RFX3: variants seen among roughly 807,000 people sequenced by gnomAD.
RFX3 encodes the protein transcription factor RFX3.
A neutral mutation model predicts 98.6 loss-of-function variants in RFX3; 14 were observed. The ratio of observed to expected loss-of-function variants is 0.14; its 90% CI spans 0.09 to 0.22. RFX3 has a LOEUF of 0.22. Among genes scored for constraint, RFX3 ranks in the 10% least tolerant of loss-of-function variants. The pLI is 1.00. For missense variants in RFX3, 639 were observed against 926.9 expected (o/e 0.69, Z 4.03); for synonymous variants, 383 against 328.4 (o/e 1.17, Z -1.80).
chr9:3,369,986 G>T (rs1026424165), intron 2 of RFX3, among the ~76,000 whole-genome samples: 4 of 146,084 alleles, frequency 2.7e-5, no homozygotes, highest in African/African-American at 1.0e-4. Context: ...CCGCCACTAC[G>T]CCCGGCTAAT....
intron 9 of RFX3, among the ~76,000 whole-genome samples, chr9:3,273,237 T>C: frequency 6.6e-6 from 1 of 152,284 alleles, no homozygotes; most frequent in Middle Eastern, 3.4e-3. Context: ...AAAATGAATA[T>C]TTATTAACAG....
intron 2 of RFX3, among the ~76,000 whole-genome samples, chr9:3,350,542 A>T (rs569180142): frequency 6.6e-6 from 1 of 152,092 alleles, no homozygotes; most frequent in Non-Finnish European, 1.5e-5. Context: ...TAGTCATATG[A>T]TCCAGTAATC....
intron 1 of RFX3, among the ~76,000 whole-genome samples, chr9:3,491,039 G>A (rs1468211124): frequency 1.3e-5 from 2 of 152,012 alleles, no homozygotes; most frequent in African/African-American, 2.4e-5. Flanking sequence ...AAAGAGCATC[G>A]TAGTTACCCG....
chr9:3,433,684 G>C (rs1363367878), intron 1 of RFX3, among the ~76,000 whole-genome samples: 1 of 152,112 alleles, frequency 6.6e-6, no homozygotes, highest in African/African-American at 2.4e-5. Context: ...ATGTTTTTCA[G>C]AACTGTTCAA....
chr9:3,384,251 G>A (rs1002804607), intron 2 of RFX3, among the ~76,000 whole-genome samples: 1 of 152,052 alleles, frequency 6.6e-6, no homozygotes, highest in Non-Finnish European at 1.5e-5. Flanking sequence ...AATACATATT[G>A]AGCATTTACT....
At chr9:3,330,218 A>G in intron 4 of RFX3, 41 bp downstream of exon 4, 2 of 1,604,856 alleles carry the variant, frequency 1.2e-6, no homozygotes, top group South Asian at 1.1e-5. Context: ...ATTAGAGACT[A>G]TTAAAAGCTA....
intron 1 of RFX3, among the ~76,000 whole-genome samples, chr9:3,478,987 T>A (rs981046762): frequency 1.3e-5 from 2 of 152,268 alleles, no homozygotes; most frequent in South Asian, 4.1e-4. Context: ...CCCAGGGAGC[T>A]GCAAGTTGGG....
At chr9:3,290,921 C>T (rs1379857083) in intron 6 of RFX3, among the ~76,000 whole-genome samples, 1 of 152,186 alleles carries the variant, frequency 6.6e-6, no homozygotes, top group Non-Finnish European at 1.5e-5. Flanking sequence ...TCCCCTCACT[C>T]CTTCTCCTCT....
Position 3,395,593 on chromosome 9 carries a change from G to C in RFX3, c.-5C>G. 6.2e-7 allele frequency: 1 copy of C among 1,613,756 alleles called. No individual in the cohort carries two copies. On this transcript the variant is annotated 5_prime_UTR_variant, in exon 2 of 17. Coordinates refer to ENST00000617270, the MANE Select transcript of RFX3 (RefSeq NM_001282116.2). ...CCCAGTCTCTGATGTCTGCATGATGGTCTCTGAAATAGATTAAAATGAAAT... is the reference window on the plus strand; with the variant it reads ...CCCAGTCTCTGATGTCTGCATGATGCTCTCTGAAATAGATTAAAATGAAAT...
chr9:3,482,149 T>C (rs1849818823), intron 1 of RFX3, among the ~76,000 whole-genome samples: 1 of 151,510 alleles, frequency 6.6e-6, no homozygotes, highest in South Asian at 2.1e-4. Flanking sequence ...TTTAAATACA[T>C]GATACATACA....
intron 1 of RFX3, among the ~76,000 whole-genome samples, chr9:3,413,650 G>A (rs1842650502): frequency 6.6e-6 from 1 of 151,980 alleles, no homozygotes; most frequent in Non-Finnish European, 1.5e-5. Context: ...TGAAGACAAG[G>A]AACAAATGCT....
chr9:3,250,880 A>G (rs1403743017), intron 14 of RFX3, among the ~76,000 whole-genome samples: 2 of 152,014 alleles, frequency 1.3e-5, no homozygotes, highest in African/African-American at 4.8e-5. Flanking sequence ...AAAAATTCCT[A>G]CCCCCAAGTG....
chr9:3,337,278 T>C (rs145637271), intron 3 of RFX3, among the ~76,000 whole-genome samples: 4 of 152,316 alleles, frequency 2.6e-5, no homozygotes, highest in African/African-American at 9.6e-5. Context: ...TTGCTCAGTG[T>C]AGTGAGGGCA....
intron 3 of RFX3, among the ~76,000 whole-genome samples, chr9:3,345,404 G>T (rs1834346103): frequency 6.6e-6 from 1 of 152,208 alleles, no homozygotes; most frequent in Admixed American, 6.6e-5. Flanking sequence ...AGTGTGGAAA[G>T]TTAGATTTTA....
At position 3,346,732 on chromosome 9, in the gene RFX3, T is replaced by TTGTACCTGCTGCACAGTC; in HGVS notation, c.132_149dup (p.Thr45_Gln50dup). 2 of 1,613,660 alleles carry TTGTACCTGCTGCACAGTC rather than the reference T, an allele frequency of 1.2e-6. No homozygotes were observed. The highest frequency in any genetic ancestry group is 2.2e-5 in the South Asian group (2 of 91,070). ...ACTGCACCTGAGCGGGATAGACATG[T>TTGTACCTGCTGCACAGTC]TGTACCTGCTGCACAGTCTGTACCT... On this transcript the variant is annotated inframe_insertion, in exon 3 of 17. Coordinates refer to ENST00000617270, the MANE Select transcript of RFX3 (RefSeq NM_001282116.2).
chr9:3,367,646 C>T (rs528825679), intron 2 of RFX3, among the ~76,000 whole-genome samples: 1 of 152,254 alleles, frequency 6.6e-6, no homozygotes, highest in African/African-American at 2.4e-5. Flanking sequence ...TTTCAGAATT[C>T]CCCAGGGAAA....
At chr9:3,253,005 T>C (rs1339430389) in intron 14 of RFX3, among the ~76,000 whole-genome samples, 1 of 152,244 alleles carries the variant, frequency 6.6e-6, no homozygotes, top group Non-Finnish European at 1.5e-5. Flanking sequence ...ATTGGAATCC[T>C]ATTGTCCGAT....
At chr9:3,251,914 T>A (rs956529090) in intron 14 of RFX3, among the ~76,000 whole-genome samples, 1 of 152,024 alleles carries the variant, frequency 6.6e-6, no homozygotes, top group Non-Finnish European at 1.5e-5. Flanking sequence ...AATGGCATAA[T>A]CTCAGCTCAC....
intron 14 of RFX3, among the ~76,000 whole-genome samples, chr9:3,255,325 C>G (rs978381242): frequency 4.6e-5 from 7 of 152,300 alleles, no homozygotes; most frequent in East Asian, 3.9e-4. Flanking sequence ...TTCACAAGTA[C>G]TATTAGTTCC....
Sources: allele counts gnomAD v4.1 joint callset (sites outside exome capture counted in the v4.1 genomes callset), GRCh38; gene constraint gnomAD v4.1.1; transcripts MANE v1.5; gene names NCBI Gene and HGNC (gene_info 2026-07-23, HGNC 2026-07-21).